FRYL: variants seen among roughly 807,000 people sequenced by gnomAD.
The protein encoded by FRYL is FRY like transcription coactivator, also known as protein furry homolog-like.
FRYL carries 150 observed loss-of-function variants against 351.2 expected under a neutral mutation model. The ratio of observed to expected loss-of-function variants is 0.43; its 90% CI spans 0.37 to 0.49. The LOEUF is 0.49. Ranked by LOEUF, FRYL falls within the 20% of genes least tolerant of loss-of-function variation. The pLI is 0.00. For synonymous variants in FRYL, 1,153 were observed against 1,257.1 expected (o/e 0.92, Z 1.75); for missense variants, 3,036 against 3,619.3 (o/e 0.84, Z 4.13).
chr4:48,542,807 T>C (rs1730522615), intron 44 of FRYL, among the ~76,000 whole-genome samples: 1 of 152,182 alleles, frequency 6.6e-6, no homozygotes, highest in South Asian at 2.1e-4. Flanking sequence ...CCATTTCAGC[T>C]GGACTCTTAA....
chr4:48,718,781 A>C (rs1769152138), intron 1 of FRYL, among the ~76,000 whole-genome samples: 1 of 151,064 alleles, frequency 6.6e-6, no homozygotes, highest in Admixed American at 6.6e-5. Context: ...TATCTCTCAG[A>C]ATCCTCCCTT....
chr4:48,732,865 G>A (rs1267837905), intron 1 of FRYL, among the ~76,000 whole-genome samples: 1 of 151,278 alleles, frequency 6.6e-6, no homozygotes, highest in Non-Finnish European at 1.5e-5. Flanking sequence ...CATGGAATGT[G>A]CGTACCTATG....
At chr4:48,566,502 C>A (rs1326223841) in intron 28 of FRYL, among the ~76,000 whole-genome samples, 1 of 152,134 alleles carries the variant, frequency 6.6e-6, no homozygotes, top group African/African-American at 2.4e-5. Context: ...ATGCTCTTTT[C>A]CTTTGACAGT....
chr4:48,508,999 G>A lies in FRYL; in HGVS notation c.8394+1060C>T, dbSNP rs553326088. 3.4e-4 allele frequency among the ~76,000 whole-genome samples: 51 copies of A among 152,232 alleles called. No homozygotes were observed. The South Asian group carries it at 0.01, about 30-fold the overall frequency. On this transcript the variant is annotated intron_variant, in intron 59 of 63. Coordinates refer to ENST00000358350, the MANE Select transcript of FRYL (RefSeq NM_015030.2). ...AAGTCACATTGCAAAGGGGTGTGGC[G>A]ACAAGAGAAGCATGATTCATTGGGA...
rs558156132 is a variant in FRYL, at chr4:48,692,649, T to C, written c.-203-7854A>G. Among the ~76,000 whole-genome samples the C allele has an allele frequency of 7.9e-5, 12 of 152,364 alleles. No individual in the cohort carries two copies. The East Asian group carries it at 2.3e-3, about 29-fold the overall frequency. ...CTCAGGTGATCTGCCTGCCTTGGCCTCCCTAAGTGCTGGGAGTACACTACT... is the reference window on the plus strand; with the variant it reads ...CTCAGGTGATCTGCCTGCCTTGGCCCCCCTAAGTGCTGGGAGTACACTACT... On this transcript the variant is annotated intron_variant, in intron 2 of 63. Coordinates refer to ENST00000358350, the MANE Select transcript of FRYL (RefSeq NM_015030.2).
At chr4:48,769,193 T>C (rs1390512146) in intron 1 of FRYL, among the ~76,000 whole-genome samples, 1 of 152,128 alleles carries the variant, frequency 6.6e-6, no homozygotes, top group Non-Finnish European at 1.5e-5. Context: ...CTATGAAAGA[T>C]CTATTAAGAG....
In FRYL at chr4:48,550,710, G is replaced by C; in HGVS notation, c.4521-6C>G. ...AAATGTCCAGGTGCACATAGCTATG[G>C]GAATGATCACTGAAGTTAGTCACAG... On this transcript the variant is annotated splice_region_variant and splice_polypyrimidine_tract_variant and intron_variant, in intron 37 of 63. Coordinates refer to ENST00000358350, the MANE Select transcript of FRYL (RefSeq NM_015030.2). The C allele has an allele frequency of 6.3e-7, 1 of 1,580,120 alleles. No individual in the cohort carries two copies. The highest frequency in any genetic ancestry group is 1.1e-5 in the South Asian group (1 of 90,360).
chr4:48,539,864 T>C (rs1560564005), intron 47 of FRYL, 107 bp downstream of exon 47: 5 of 767,148 alleles, frequency 6.5e-6, no homozygotes, highest in East Asian at 2.7e-5. Context: ...GCAAAATTCA[T>C]ATGGGAAGTG....
intron 55 of FRYL, 129 bp from the exon 56 acceptor site, chr4:48,515,404 C>G: frequency 1.4e-6 from 1 of 700,080 alleles, no homozygotes; most frequent in Non-Finnish European, 2.3e-6. Context: ...AGTCTGTCAC[C>G]CAGGCTGGAG....
chr4:48,629,071 T>C (rs1752453761), intron 4 of FRYL, among the ~76,000 whole-genome samples: 1 of 150,534 alleles, frequency 6.6e-6, no homozygotes, highest in Non-Finnish European at 1.5e-5. Context: ...TATAGTGTTA[T>C]TTTCATAATA....
intron 11 of FRYL, 118 bp downstream of exon 11, chr4:48,605,623 C>T (rs1277000253): frequency 1.4e-6 from 1 of 694,636 alleles, no homozygotes; most frequent in Non-Finnish European, 2.5e-6. Flanking sequence ...TGAGACGAGC[C>T]TTCCCATGGC....
chr4:48,509,931 T>C, intron 59 of FRYL, 128 bp downstream of exon 59: 2 of 612,854 alleles, frequency 3.3e-6, no homozygotes, highest in South Asian at 4.2e-5. Context: ...AAGAACCTGC[T>C]GCTCTCAGGA....
At chr4:48,612,986 CAT>C (rs1369556414) in intron 7 of FRYL, among the ~76,000 whole-genome samples, 2 of 152,160 alleles carry the variant, frequency 1.3e-5, no homozygotes, top group South Asian at 4.1e-4. Flanking sequence ...TATGAAGAAA[CAT>C]AATACAGGCT....
chr4:48,772,234 T>G (rs1005892957), intron 1 of FRYL, among the ~76,000 whole-genome samples: 3 of 152,226 alleles, frequency 2.0e-5, no homozygotes, highest in African/African-American at 7.2e-5. Flanking sequence ...TTCTACAGGC[T>G]AGCAAGTCTT....
chr4:48,685,035 C>A (rs1489202104), intron 2 of FRYL, among the ~76,000 whole-genome samples: 1 of 152,166 alleles, frequency 6.6e-6, no homozygotes, highest in African/African-American at 2.4e-5. Context: ...CCAGCTTCAA[C>A]AATTAACTCA....
chr4:48,584,852 G>A (rs1741757827), intron 19 of FRYL, among the ~76,000 whole-genome samples: 4 of 152,182 alleles, frequency 2.6e-5, no homozygotes, highest in Admixed American at 2.6e-4. Flanking sequence ...GATTTAGACA[G>A]CACAATTCCA....
At chr4:48,661,044 A>G (rs1760604386) in intron 3 of FRYL, among the ~76,000 whole-genome samples, 1 of 152,240 alleles carries the variant, frequency 6.6e-6, no homozygotes, top group South Asian at 2.1e-4. Flanking sequence ...GCTTTTGTAA[A>G]TAATAATGCA....
intron 35 of FRYL, among the ~76,000 whole-genome samples, chr4:48,553,757 TA>T (rs1733448074): frequency 6.6e-6 from 1 of 152,196 alleles, no homozygotes. Flanking sequence ...GATTTTTAGT[TA>T]GCCAGCCTCC....
At chr4:48,651,926 C>A (rs1757782009) in intron 3 of FRYL, among the ~76,000 whole-genome samples, 1 of 152,222 alleles carries the variant, frequency 6.6e-6, no homozygotes, top group South Asian at 2.1e-4. Flanking sequence ...CTAGCAATTT[C>A]TTTCCAGTAA....
Sources: allele counts gnomAD v4.1 joint callset (sites outside exome capture counted in the v4.1 genomes callset), GRCh38; gene constraint gnomAD v4.1.1; transcripts MANE v1.5; gene names NCBI Gene and HGNC (gene_info 2026-07-23, HGNC 2026-07-21).